The following IQCE variants were observed in gnomAD, a reference collection of about 807,000 sequenced individuals.
IQCE encodes the protein IQ domain-containing protein E.
Under a neutral mutation model 96.0 loss-of-function variants are expected in IQCE, and 115 were observed. The observed-to-expected ratio is 1.20, with a 90% CI of 1.03 to 1.40. IQCE has a LOEUF of 1.40. IQCE is among the 40% of genes most tolerant of loss of function. The probability of loss-of-function intolerance (pLI) is 0.00; values close to 1 mark genes in which losing one functional copy is unlikely to be tolerated. For synonymous variants in IQCE, 412 were observed against 371.2 expected (o/e 1.11, Z -1.26); for missense variants, 1,041 against 909.1 (o/e 1.15, Z -1.87).
Position 2,593,005 on chromosome 7 carries a change from C to G in IQCE, c.1245-17C>G. On this transcript the variant is annotated splice_polypyrimidine_tract_variant and intron_variant, in intron 14 of 21. Transcript: ENST00000402050. Reference sequence around the variant, plus strand: ...AGTTTTTGTGAACGCTGACGAGTCTCCTATTCTTGTGTGCAGTTTGGAGGT... The same window carrying G: ...AGTTTTTGTGAACGCTGACGAGTCTGCTATTCTTGTGTGCAGTTTGGAGGT... 6.3e-7 allele frequency: 1 copy of G among 1,588,058 alleles called. No homozygotes were observed. The highest frequency in any genetic ancestry group is 1.1e-5 in the South Asian group (1 of 89,182).
intron 8 of IQCE, 87 bp downstream of exon 8, chr7:2,578,613 C>T: frequency 7.0e-7 from 1 of 1,434,030 alleles, no homozygotes; most frequent in Non-Finnish European, 9.8e-7. Flanking sequence ...CCTGCAGCAC[C>T]CACGCGTGAA....
chr7:2,567,437 C>T (rs912106292), intron 2 of IQCE, among the ~76,000 whole-genome samples: 3 of 152,242 alleles, frequency 2.0e-5, no homozygotes, highest in Non-Finnish European at 4.4e-5. Context: ...TTTTGCCCTG[C>T]ACCCCACGCC....
In IQCE at chr7:2,569,006, AT is replaced by A. The variant is rs1562623419; in HGVS notation, c.130+8del. 1 of 1,613,710 alleles carries A rather than the reference AT, an allele frequency of 6.2e-7. No individual in the cohort carries two copies. The highest frequency in any genetic ancestry group is 8.5e-7 in the Non-Finnish European group (1 of 1,179,694). On this transcript the variant is annotated splice_region_variant and intron_variant, in intron 3 of 21. Transcript: ENST00000402050. ...CCTCCACCCACATCGCCAAGTAAGT[AT>A]GACGAGGCCTGCCTTCCCTCTCACG...
At chr7:2,601,718 T>G in intron 18 of IQCE, 1 of 423,338 alleles carries the variant, frequency 2.4e-6, no homozygotes, top group Middle Eastern at 6.9e-4. Context: ...CCCAGCTAAT[T>G]TTTGTATTTT....
chr7:2,578,554 C>G, intron 8 of IQCE, 28 bp downstream of exon 8: 3 of 1,613,042 alleles, frequency 1.9e-6, no homozygotes, highest in Non-Finnish European at 2.5e-6. Context: ...AGGACAGAGC[C>G]TTTCCCCAGA....
chr7:2,589,002 G>A (rs1783363981), intron 13 of IQCE, among the ~76,000 whole-genome samples: 1 of 152,116 alleles, frequency 6.6e-6, no homozygotes, highest in African/African-American at 2.4e-5. Context: ...TAGAGCATCT[G>A]TGTTGTTTGG....
At chr7:2,562,986 C>T (rs1453992835) in intron 1 of IQCE, among the ~76,000 whole-genome samples, 2 of 152,066 alleles carry the variant, frequency 1.3e-5, no homozygotes, top group Non-Finnish European at 2.9e-5. Flanking sequence ...AGAGCAGTGG[C>T]ACAATCACAG....
At position 2,580,405 on chromosome 7, in the gene IQCE, T is replaced by A. The variant is rs185137082; in HGVS notation, c.630+1879T>A. On this transcript the variant is annotated intron_variant, in intron 8 of 21. Coordinates refer to ENST00000402050, the MANE Select transcript of IQCE (RefSeq NM_152558.5). ...CAGGTGGATCACCTGAAGTCAGGAG[T>A]TCAAGACCAGCCTGGCCAACATGGT... Among the ~76,000 whole-genome samples the A allele has an allele frequency of 7.0e-3, 1,024 of 145,590 alleles. 30 individuals carry two copies. Among genetic ancestry groups the A allele is most frequent in the Admixed American group, 0.063 (936 of 14,816 alleles).
chr7:2,606,342 C>T (rs1004788930), intron 20 of IQCE, among the ~76,000 whole-genome samples: 1 of 152,062 alleles, frequency 6.6e-6, no homozygotes, highest in African/African-American at 2.4e-5. Context: ...ATAGGTCATC[C>T]CTGTGAAAGA....
In IQCE at chr7:2,577,166, C is replaced by T. The variant is rs144767546; in HGVS notation, c.466-1076C>T. On this transcript the variant is annotated intron_variant, in intron 6 of 21. Transcript: ENST00000402050. Reference sequence around the variant, plus strand: ...GGGAGCCACGCAGCTTTCCAAATCCCCCAGCTCAGTGCTTCCCTGGGCCTG... The same window carrying T: ...GGGAGCCACGCAGCTTTCCAAATCCTCCAGCTCAGTGCTTCCCTGGGCCTG... Among the ~76,000 whole-genome samples the T allele has an allele frequency of 5.5e-3, 841 of 152,336 alleles. 9 individuals are homozygous for T. The highest frequency in any genetic ancestry group is 0.017 in the African/African-American group (692 of 41,580).
chr7:2,571,471 T>C, intron 3 of IQCE, 55 bp from the exon 4 acceptor site: 1 of 1,597,836 alleles, frequency 6.3e-7, no homozygotes, highest in Non-Finnish European at 8.5e-7. Context: ...AGTTCATGTG[T>C]TGAGCTCACA....
chr7:2,579,114 C>G (rs1195109973), intron 8 of IQCE, among the ~76,000 whole-genome samples: 1 of 151,240 alleles, frequency 6.6e-6, no homozygotes, highest in East Asian at 1.9e-4. Flanking sequence ...TCAGATAGAT[C>G]CAGACCCCCC....
intron 6 of IQCE, 88 bp downstream of exon 6, chr7:2,573,576 G>A: frequency 1.4e-6 from 1 of 732,860 alleles, no homozygotes; most frequent in Non-Finnish European, 2.3e-6. Flanking sequence ...GTGCTGGGAG[G>A]TGCCCAGATG....
At chr7:2,566,455 G>GTTTTTTTTTTTTTTTTTTTTTTTTTT in intron 1 of IQCE, 1 of 109,966 alleles carries the variant, frequency 9.1e-6, no homozygotes, top group Non-Finnish European at 1.9e-5. Flanking sequence ...GTTGGTTTTC[G>GTTTTTTTTTTTTTTTTTTTTTTTTTT]TTTTTTTTTT....
intron 8 of IQCE, chr7:2,582,096 C>G (rs1036835160): frequency 2.1e-6 from 1 of 468,550 alleles, no homozygotes; most frequent in South Asian, 1.6e-5. Flanking sequence ...GCCGCTGGAG[C>G]TGTTCTCCCT....
chr7:2,612,026 TGA>T lies in IQCE; in HGVS notation c.*1867_*1868del, dbSNP rs1223280151. The T allele has an allele frequency of 6.6e-6, 1 of 152,158 alleles. No homozygotes were observed. The highest frequency in any genetic ancestry group is 1.5e-5 in the Non-Finnish European group (1 of 68,050). The allele number at this position is 152,158 out of a possible 1,614,324, so 9.4% of individuals were successfully genotyped here. On this transcript the variant is annotated 3_prime_UTR_variant, in exon 22 of 22. Coordinates refer to ENST00000402050, the MANE Select transcript of IQCE (RefSeq NM_152558.5). ...GTCCACCTCGAAAGCCCTGAGAAAG[TGA>T]GACACCTGCACATTCGCTGGGGGAG...
At position 2,594,944 on chromosome 7, in the gene IQCE, G is replaced by A. The variant is rs570114328; in HGVS notation, c.1408G>A (p.Glu470Lys). ...LQELQEMKKE[E>K]KEDCPEVPHK... ...AGAATTGCAAGAAATGAAGAAAGAAGAGAAAGAGGATTGCCCGGAAGTTCC... is the reference window on the plus strand; with the variant it reads ...AGAATTGCAAGAAATGAAGAAAGAAAAGAAAGAGGATTGCCCGGAAGTTCC... Residue 470 changes from glutamate (E) to lysine (K), a missense_variant, in exon 16 of 22, where the codon GAG becomes AAG. Coordinates refer to ENST00000402050, the MANE Select transcript of IQCE (RefSeq NM_152558.5). The A allele has an allele frequency of 3.7e-6, 6 of 1,613,852 alleles. No individual in the cohort carries two copies. The highest frequency in any genetic ancestry group is 3.3e-4 in the Middle Eastern group (2 of 6,060).
At chr7:2,583,740 C>T (rs776561711) in intron 10 of IQCE, 31 bp downstream of exon 10, 35 of 954,334 alleles carry the variant, frequency 3.7e-5, no homozygotes, top group South Asian at 7.2e-5. Flanking sequence ...GAGCGGAGGG[C>T]GGGCACCGAG....
chr7:2,601,407 T>G, intron 17 of IQCE, 34 bp from the exon 18 acceptor site: 1 of 1,383,290 alleles, frequency 7.2e-7, no homozygotes, highest in Non-Finnish European at 1.0e-6. Flanking sequence ...CTCGTGTTAA[T>G]TCATGTATTT....
Sources: allele counts gnomAD v4.1 joint callset (sites outside exome capture counted in the v4.1 genomes callset), GRCh38; gene constraint gnomAD v4.1.1; transcripts MANE v1.5; gene names NCBI Gene and HGNC (gene_info 2026-07-23, HGNC 2026-07-21).